The following ACAD10 variants were observed in gnomAD, a reference collection of about 807,000 sequenced individuals.
The protein encoded by ACAD10 is acyl-CoA dehydrogenase family member 10.
In ACAD10, 112 loss-of-function variants were observed where a neutral mutation model predicts 116.8. That is an observed-to-expected ratio of 0.96 (90% CI 0.82 to 1.12). The LOEUF (loss-of-function observed/expected upper bound fraction) is 1.12, where lower values mean the gene tolerates loss of function less well. ACAD10 is among the 50% of genes most tolerant of loss of function. ACAD10 has a pLI of 0.00. For synonymous variants in ACAD10, 486 were observed against 510.6 expected (o/e 0.95, Z 0.65); for missense variants, 1,259 against 1,350.2 (o/e 0.93, Z 1.06).
intron 11 of ACAD10, among the ~76,000 whole-genome samples, chr12:111,736,295 T>C (rs1165875453): frequency 1.3e-5 from 2 of 151,332 alleles, no homozygotes; most frequent in Non-Finnish European, 2.9e-5. Flanking sequence ...CATGCAATTC[T>C]CCTGTCTCAG....
chr12:111,690,781 A>G (rs1888015969), intron 1 of ACAD10, among the ~76,000 whole-genome samples: 1 of 125,122 alleles, frequency 8.0e-6, no homozygotes. Context: ...TGAGACTCTC[A>G]AAAAAAAAAA....
In ACAD10 at chr12:111,736,876, A is replaced by G; in HGVS notation, c.1586A>G (p.Glu529Gly). 6.2e-7 allele frequency: 1 copy of G among 1,614,158 alleles called. No homozygotes were observed. The highest frequency in any genetic ancestry group is 8.5e-7 in the Non-Finnish European group (1 of 1,180,018). ...ACACAGCTGGGAATCCCTGCTGCAG[A>G]GGAGTATTTCAGGATGTACTGTCTC... ...DLTQLGIPAA[E>G]EYFRMYCLQM... The change falls in exon 12 of 21, where the codon GAG becomes GGG. Residue 529 changes from glutamate to glycine, a missense_variant. Transcript: ENST00000313698.
intron 16 of ACAD10, among the ~76,000 whole-genome samples, chr12:111,747,976 C>A (rs749292920): frequency 6.6e-6 from 1 of 152,122 alleles, no homozygotes; most frequent in East Asian, 1.9e-4. Flanking sequence ...TTCCAAGGCC[C>A]GGGCCCAGAG....
chr12:111,706,959 G>T (rs951056065), intron 4 of ACAD10, among the ~76,000 whole-genome samples: 2 of 145,086 alleles, frequency 1.4e-5, no homozygotes, highest in Non-Finnish European at 3.0e-5. Context: ...TGAATTTTTA[G>T]TAGAGACAGG....
At chr12:111,723,224 G>A (rs1346656015) in intron 8 of ACAD10, among the ~76,000 whole-genome samples, 7 of 129,068 alleles carry the variant, frequency 5.4e-5, no homozygotes, top group Middle Eastern at 5.1e-3. Flanking sequence ...CGGACGGGGC[G>A]GCTGGCCGGG....
chr12:111,753,842 C>G lies in ACAD10; in HGVS notation c.2888C>G (p.Ser963Trp), dbSNP rs775006150. The change falls in exon 19 of 21, where the codon TCG becomes TGG. Residue 963 changes from serine to tryptophan, a missense_variant. Physicochemically the swap from Ser to Trp is radical, Grantham distance 177. Coordinates refer to ENST00000313698, the MANE Select transcript of ACAD10 (RefSeq NM_025247.6). ...QGTVLADIAQ[S>W]RVEIEQARLL... Reference sequence around the variant, plus strand: ...ACAGTGCTGGCGGACATCGCGCAGTCGCGCGTGGAGATTGAGCAGGCACGG... The same window carrying G: ...ACAGTGCTGGCGGACATCGCGCAGTGGCGCGTGGAGATTGAGCAGGCACGG... 6.2e-7 allele frequency: 1 copy of G among 1,614,002 alleles called. No individual in the cohort carries two copies. The highest frequency in any genetic ancestry group is 1.1e-5 in the South Asian group (1 of 91,086).
Position 111,756,682 on chromosome 12 carries a change from G to A in ACAD10, c.*209G>A, listed in dbSNP as rs888444716. 1 of 868,512 alleles carries A rather than the reference G, an allele frequency of 1.2e-6. No individual in the cohort carries two copies. Among genetic ancestry groups the A allele is most frequent in the African/African-American group, 1.7e-5 (1 of 60,108 alleles). 53.8% of individuals were successfully genotyped at this position (868,512 alleles called of 1,614,324 possible). ...TGGAGTCTGTTTCAGGCCAGGAGGA[G>A]GGGATTTGCTGAGGGCCAAGGGGGT... On this transcript the variant is annotated 3_prime_UTR_variant, in exon 21 of 21. Transcript: ENST00000313698.
At position 111,749,270 on chromosome 12, in the gene ACAD10, G is replaced by T; in HGVS notation, c.2742G>T (p.Leu914=). The change falls in exon 18 of 21, where the codon CTG becomes CTT. Residue 914 remains leucine (L), a synonymous_variant. Transcript: ENST00000313698. ...GRGFEIAQGR[L]GPGRIHHCMR... Reference sequence around the variant, plus strand: ...GCTTTGAGATCGCCCAGGGCAGACTGGGCCCCGGCAGGATCCATCACTGCA... The same window carrying T: ...GCTTTGAGATCGCCCAGGGCAGACTTGGCCCCGGCAGGATCCATCACTGCA... 1 of 1,614,120 alleles carries T rather than the reference G, an allele frequency of 6.2e-7. No homozygotes were observed. Among genetic ancestry groups the T allele is most frequent in the African/African-American group, 1.3e-5 (1 of 75,054 alleles).
chr12:111,700,723 T>TTTCCTTCCTTCCTTCCTTCC lies in ACAD10; in HGVS notation c.188-1437_188-1418dup, dbSNP rs1174883043. Among the ~76,000 whole-genome samples, 136 of 150,574 alleles carry TTTCCTTCCTTCCTTCCTTCC rather than the reference T, an allele frequency of 9.0e-4. 2 individuals carry two copies. The highest frequency in any genetic ancestry group is 3.2e-3 in the African/African-American group (130 of 40,308). On this transcript the variant is annotated intron_variant, in intron 2 of 20. Transcript: ENST00000313698. ...AAGATAGGACTGCTTGTCCTTTTAC[T>TTTCCTTCCTTCCTTCCTTCC]TTCCTTCCTTCCTTCCTTCCTCTTC... is the stretch of plus-strand genomic sequence containing the variant.
At chr12:111,736,721 G>A (rs568346279) in intron 11 of ACAD10, 110 bp from the exon 12 acceptor site, 20 of 1,135,722 alleles carry the variant, frequency 1.8e-5, no homozygotes, top group African/African-American at 3.1e-5. Context: ...GGAACTGGTC[G>A]TGAAACTAAT....
chr12:111,721,639 G>A lies in ACAD10; in HGVS notation c.993-32G>A, dbSNP rs752163864. 4.5e-6 allele frequency: 7 copies of A among 1,541,150 alleles called. 1 individual carries two copies. Among genetic ancestry groups the A allele is most frequent in the Middle Eastern group, 1.7e-4 (1 of 5,864 alleles). On this transcript the variant is annotated intron_variant, in intron 7 of 20. Transcript: ENST00000313698. Reference sequence around the variant, plus strand: ...CAAGAAAATCTCATCAATTCAGCCAGCAATTTTGTTTATTTTCATTTGTCC... The same window carrying A: ...CAAGAAAATCTCATCAATTCAGCCAACAATTTTGTTTATTTTCATTTGTCC...
chr12:111,736,043 C>G (rs986522281), intron 11 of ACAD10, among the ~76,000 whole-genome samples: 1 of 151,878 alleles, frequency 6.6e-6, no homozygotes, highest in South Asian at 2.1e-4. Flanking sequence ...CAATGTCTGG[C>G]TAATTTTTGT....
chr12:111,707,245 C>T (rs1336453540), intron 4 of ACAD10, among the ~76,000 whole-genome samples: 3 of 151,746 alleles, frequency 2.0e-5, no homozygotes, highest in South Asian at 2.1e-4. Flanking sequence ...CATGCCACCA[C>T]GCCTGGCTAG....
At position 111,692,893 on chromosome 12, in the gene ACAD10, G is replaced by A; in HGVS notation, c.184G>A (p.Ala62Thr). Reference sequence around the variant, plus strand: ...CATTCCTTCTCCAGGGAGAGTCGCTGCAGGTGAGCTATTGATTCTGTTTCA... The same window carrying A: ...CATTCCTTCTCCAGGGAGAGTCGCTACAGGTGAGCTATTGATTCTGTTTCA... ...VLIPSPGRVAAEWEVQNRIPS... is the reference protein window; with the variant it reads ...VLIPSPGRVATEWEVQNRIPS... The change falls in exon 2 of 21, where the codon GCA (alanine) becomes ACA (threonine). Residue 62 changes from alanine to threonine, a missense_variant. Transcript: ENST00000313698. 2 of 1,613,866 alleles carry A rather than the reference G, an allele frequency of 1.2e-6. No homozygotes were observed. Among genetic ancestry groups the A allele is most frequent in the Middle Eastern group, 1.7e-4 (1 of 6,060 alleles).
chr12:111,754,411 A>C (rs1228346471), intron 19 of ACAD10, among the ~76,000 whole-genome samples: 1 of 152,144 alleles, frequency 6.6e-6, no homozygotes, highest in Non-Finnish European at 1.5e-5. Context: ...TCAGCCTCCC[A>C]AGTAGCTGGG....
chr12:111,731,266 G>A (rs962931366), intron 10 of ACAD10, among the ~76,000 whole-genome samples: 3 of 152,358 alleles, frequency 2.0e-5, no homozygotes, highest in African/African-American at 7.2e-5. Flanking sequence ...TGAGGAACCT[G>A]CTTCTGCATC....
chr12:111,704,134 C>CTT (rs573499078), intron 3 of ACAD10, among the ~76,000 whole-genome samples: 30 of 141,538 alleles, frequency 2.1e-4, no homozygotes, highest in African/African-American at 7.0e-4. Flanking sequence ...GTACGGTTTA[C>CTT]TTTTTTTTTT....
At chr12:111,742,636 G>A (rs1339994227) in intron 12 of ACAD10, among the ~76,000 whole-genome samples, 3 of 152,162 alleles carry the variant, frequency 2.0e-5, no homozygotes, top group Non-Finnish European at 4.4e-5. Flanking sequence ...GAGACAGGAG[G>A]ATTGTTTGAG....
intron 12 of ACAD10, among the ~76,000 whole-genome samples, chr12:111,743,371 T>TG (rs202069920): frequency 5.8e-4 from 85 of 147,260 alleles, no homozygotes; most frequent in African/African-American, 2.0e-3. Context: ...AATATTCTGT[T>TG]TTTTTTTTTT....
Sources: allele counts gnomAD v4.1 joint callset (sites outside exome capture counted in the v4.1 genomes callset), GRCh38; gene constraint gnomAD v4.1.1; transcripts MANE v1.5; gene names NCBI Gene and HGNC (gene_info 2026-07-23, HGNC 2026-07-21).